The following EPHA6 variants were observed in gnomAD, a reference collection of about 807,000 sequenced individuals.
The protein encoded by EPHA6 is ephrin type-A receptor 6.
EPHA6 carries 50 observed loss-of-function variants against 112.0 expected under a neutral mutation model. The observed-to-expected ratio is 0.45, with a 90% CI of 0.36 to 0.56. EPHA6 has a LOEUF of 0.56. Among genes scored for constraint, EPHA6 ranks in the 20% least tolerant of loss-of-function variants. EPHA6 has a pLI of 0.00. For synonymous variants in EPHA6, 529 were observed against 490.7 expected (o/e 1.08, Z -1.03); for missense variants, 1,280 against 1,417.4 (o/e 0.90, Z 1.56).
intron 2 of EPHA6, among the ~76,000 whole-genome samples, chr3:96,902,927 A>C: frequency 6.6e-6 from 1 of 152,214 alleles, no homozygotes; most frequent in East Asian, 1.9e-4. Flanking sequence ...TAAATAGACG[A>C]GAGAGAAGTC....
Position 97,294,174 on chromosome 3 carries a change from C to T in EPHA6, c.1606+49887C>T, listed in dbSNP as rs186575550. 2.6e-3 allele frequency among the ~76,000 whole-genome samples: 390 copies of T among 152,286 alleles called. 1 individual carries two copies. The highest frequency in any genetic ancestry group is 8.4e-3 in the African/African-American group (351 of 41,566). ...GGGCAGCTGCAGCTGCACGTGGGAG[C>T]GCAGGGCTCCTGCTGTGCCAATTCA... is the stretch of plus-strand genomic sequence containing the variant. On this transcript the variant is annotated intron_variant, in intron 5 of 17. Coordinates refer to ENST00000389672, the MANE Select transcript of EPHA6 (RefSeq NM_001080448.3).
intron 5 of EPHA6, among the ~76,000 whole-genome samples, chr3:97,359,917 T>A (rs2084284070): frequency 6.6e-6 from 1 of 152,202 alleles, no homozygotes; most frequent in Admixed American, 6.5e-5. Flanking sequence ...TTCTCTTTTG[T>A]GCTTTTCAAT....
chr3:97,634,383 T>C lies in EPHA6; in HGVS notation c.2575-3490T>C, dbSNP rs536110049. Reference sequence around the variant, plus strand: ...AACTATTTGTAGAGCTTTTTTCTTTTCGTCAAGCCCACATTTTATAAACAG... The same window carrying C: ...AACTATTTGTAGAGCTTTTTTCTTTCCGTCAAGCCCACATTTTATAAACAG... On this transcript the variant is annotated intron_variant, in intron 13 of 17. Transcript: ENST00000389672. Among the ~76,000 whole-genome samples, 83 of 152,106 alleles carry C rather than the reference T, an allele frequency of 5.5e-4. 3 individuals carry two copies. In the East Asian group the frequency reaches 0.01, roughly 19 times the overall value.
At chr3:97,013,801 C>A (rs1328466325) in intron 3 of EPHA6, among the ~76,000 whole-genome samples, 1 of 151,906 alleles carries the variant, frequency 6.6e-6, no homozygotes, top group African/African-American at 2.4e-5. Context: ...AAACAAGAAC[C>A]TTTGTTTTCA....
At chr3:97,281,949 T>A (rs904127875) in intron 5 of EPHA6, among the ~76,000 whole-genome samples, 3 of 152,178 alleles carry the variant, frequency 2.0e-5, no homozygotes, top group African/African-American at 7.2e-5. Flanking sequence ...ATCACCAAAT[T>A]TTTAATAATG....
chr3:97,136,990 A>G (rs527806003), intron 3 of EPHA6, among the ~76,000 whole-genome samples: 11 of 152,334 alleles, frequency 7.2e-5, no homozygotes, highest in African/African-American at 1.4e-4. Context: ...ATGATTGTAT[A>G]TAATAACCTA....
intron 2 of EPHA6, among the ~76,000 whole-genome samples, chr3:96,920,893 A>G (rs942758954): frequency 9.2e-5 from 14 of 152,058 alleles, no homozygotes; most frequent in African/African-American, 3.4e-4. Flanking sequence ...TTGAAACAGT[A>G]GTTTATATAG....
intron 6 of EPHA6, among the ~76,000 whole-genome samples, chr3:97,424,196 A>G (rs558871030): frequency 6.6e-6 from 1 of 152,182 alleles, no homozygotes; most frequent in Non-Finnish European, 1.5e-5. Flanking sequence ...ATCTCCTGAG[A>G]CTTGTTCAGT....
intron 2 of EPHA6, among the ~76,000 whole-genome samples, chr3:96,978,041 T>C (rs886941476): frequency 3.3e-5 from 5 of 152,084 alleles, no homozygotes; most frequent in South Asian, 2.1e-4. Context: ...ATGCCTGTAG[T>C]CCCAGCTACT....
chr3:96,901,131 A>C (rs930511815), intron 2 of EPHA6, among the ~76,000 whole-genome samples: 6 of 152,194 alleles, frequency 3.9e-5, no homozygotes, highest in Non-Finnish European at 7.3e-5. Flanking sequence ...ACCTGTTAAT[A>C]GAGACTAAAA....
intron 3 of EPHA6, among the ~76,000 whole-genome samples, chr3:97,136,770 T>C (rs905682486): frequency 3.3e-5 from 5 of 152,122 alleles, no homozygotes; most frequent in African/African-American, 1.2e-4. Flanking sequence ...AAAATAACCA[T>C]CAATCTAGTA....
intron 3 of EPHA6, among the ~76,000 whole-genome samples, chr3:97,061,799 C>A: frequency 6.6e-6 from 1 of 152,034 alleles, no homozygotes; most frequent in East Asian, 1.9e-4. Flanking sequence ...GCTGCTGAAA[C>A]GCATACTATA....
chr3:97,313,847 T>G (rs2081675612), intron 5 of EPHA6, among the ~76,000 whole-genome samples: 1 of 151,586 alleles, frequency 6.6e-6, no homozygotes, highest in African/African-American at 2.4e-5. Flanking sequence ...CTCTATTCGT[T>G]ATTTCCTTTG....
Position 97,409,875 on chromosome 3 carries a change from T to C in EPHA6, c.1731+4601T>C, listed in dbSNP as rs2087597703. Among the ~76,000 whole-genome samples the C allele has an allele frequency of 5.9e-5, 9 of 152,228 alleles. No homozygotes were observed. In the South Asian group the frequency reaches 1.9e-3, roughly 32 times the overall value. On this transcript the variant is annotated intron_variant, in intron 6 of 17. Transcript: ENST00000389672. ...AAAGGTAGCATTTCTTATATCCAGATGTTCAATAATTATTTATATGAAATG... is the reference window on the plus strand; with the variant it reads ...AAAGGTAGCATTTCTTATATCCAGACGTTCAATAATTATTTATATGAAATG...
chr3:97,585,072 T>A (rs573237346), intron 11 of EPHA6, among the ~76,000 whole-genome samples: 67 of 152,146 alleles, frequency 4.4e-4, no homozygotes, highest in Non-Finnish European at 8.7e-4. Flanking sequence ...AAGTCCAAGT[T>A]CCACTGAATA....
rs1454432318 is a variant in EPHA6, at chr3:97,716,446, T to TAGTCCC, written c.2785-3812_2785-3807dup. Among the ~76,000 whole-genome samples, 7 of 140,918 alleles carry TAGTCCC rather than the reference T, an allele frequency of 5.0e-5. 2 individuals carry two copies. Among genetic ancestry groups the TAGTCCC allele is most frequent in the African/African-American group, 2.2e-4 (7 of 32,112 alleles). 92.4% of individuals were successfully genotyped at this position (140,918 alleles called of 152,430 possible). On this transcript the variant is annotated intron_variant, in intron 14 of 17. Transcript: ENST00000389672. ...AGCCGGGCGCGGTGGCGGGCGCCTG[T>TAGTCCC]AGTCCCAGCTACTCGGGAGGCTGAG...
chr3:96,901,479 T>G (rs1475094488), intron 2 of EPHA6, among the ~76,000 whole-genome samples: 2 of 151,198 alleles, frequency 1.3e-5, no homozygotes, highest in African/African-American at 4.9e-5. Flanking sequence ...GGAAAAGATT[T>G]TTTTTTTTTA....
intron 14 of EPHA6, among the ~76,000 whole-genome samples, chr3:97,702,821 A>G (rs764849642): frequency 4.6e-5 from 7 of 152,184 alleles, no homozygotes; most frequent in Non-Finnish European, 1.0e-4. Context: ...ATGAACTATT[A>G]AAATGTCTAG....
intron 5 of EPHA6, among the ~76,000 whole-genome samples, chr3:97,328,767 T>C (rs559071835): frequency 4.1e-4 from 63 of 152,212 alleles, no homozygotes; most frequent in Admixed American, 9.8e-4. Flanking sequence ...AAAGAACTCA[T>C]TGCTGACTCC....
Sources: allele counts gnomAD v4.1 joint callset (sites outside exome capture counted in the v4.1 genomes callset), GRCh38; gene constraint gnomAD v4.1.1; transcripts MANE v1.5; gene names NCBI Gene and HGNC (gene_info 2026-07-23, HGNC 2026-07-21).